TMTC4: variants seen among roughly 807,000 people sequenced by gnomAD.
TMTC4 encodes transmembrane O-mannosyltransferase targeting cadherins 4, also known as protein O-mannosyl-transferase TMTC4.
TMTC4 carries 65 observed loss-of-function variants against 86.0 expected under a neutral mutation model. The ratio of observed to expected loss-of-function variants is 0.76; its 90% CI spans 0.62 to 0.93. The LOEUF (loss-of-function observed/expected upper bound fraction) is 0.93. TMTC4 is among the 40% of genes least tolerant of loss of function. The probability of loss-of-function intolerance (pLI) is 0.00; values close to 1 mark genes in which losing one functional copy is unlikely to be tolerated. For missense variants in TMTC4, 866 were observed against 948.1 expected (o/e 0.91, Z 1.14); for synonymous variants, 379 against 382.5 (o/e 0.99, Z 0.11).
In TMTC4 at chr13:100,674,481, C is replaced by G. The variant is rs979686247; in HGVS notation, c.-208+263G>C. On this transcript the variant is annotated intron_variant, in intron 1 of 18. Transcript: ENST00000342624. ...GCCCGGGCGGAGAAGCTCAGGGGCC[C>G]GAGCGCGGCGGGCGGGGCGCGCAGC... is the stretch of plus-strand genomic sequence containing the variant. 3.4e-4 allele frequency: 314 copies of G among 924,372 alleles called. No individual in the cohort carries two copies. In the African/African-American group the frequency reaches 4.9e-3, roughly 14 times the overall value. 57.3% of individuals were successfully genotyped at this position (924,372 alleles called of 1,614,324 possible). A position where few individuals can be genotyped will look rare whatever the true frequency, so the allele number is the denominator to read the frequency against.
At chr13:100,641,871 G>A (rs1883062600) in intron 7 of TMTC4, among the ~76,000 whole-genome samples, 1 of 152,156 alleles carries the variant, frequency 6.6e-6, no homozygotes, top group South Asian at 2.1e-4. Flanking sequence ...GGTGATCTAG[G>A]ACTGCTGAAA....
chr13:100,651,440 A>T (rs1360739951), intron 6 of TMTC4, among the ~76,000 whole-genome samples: 1 of 148,582 alleles, frequency 6.7e-6, no homozygotes, highest in Non-Finnish European at 1.5e-5. Context: ...TTATGAGGAC[A>T]TCTACTTTTA....
At chr13:100,674,250 CG>C in intron 1 of TMTC4, 1 of 979,686 alleles carries the variant, frequency 1.0e-6, no homozygotes, top group Non-Finnish European at 1.2e-6. Context: ...CGCGGCGCGG[CG>C]GGGGAGCCGC....
intron 6 of TMTC4, among the ~76,000 whole-genome samples, chr13:100,654,780 C>T (rs895176664): frequency 6.6e-6 from 1 of 152,054 alleles, no homozygotes; most frequent in African/African-American, 2.4e-5. Context: ...CATTATTTCA[C>T]AAGAGCAATC....
rs67759381 is a variant in TMTC4, at chr13:100,632,053, A to ACT, written c.1506+2750_1506+2751dup. Among the ~76,000 whole-genome samples, 83 of 43,110 alleles carry ACT rather than the reference A, an allele frequency of 1.9e-3. 1 individual carries two copies. The highest frequency in any genetic ancestry group is 0.016 in the Middle Eastern group (1 of 62). 28.3% of individuals were successfully genotyped at this position (43,110 alleles called of 152,430 possible). A position where few individuals can be genotyped will look rare whatever the true frequency, so the allele number is the denominator to read the frequency against. ...CACACACACACACACACACACACAC[A>ACT]CTCTCTCTCTCTCTCTCTCTCTCTC... On this transcript the variant is annotated intron_variant, in intron 12 of 18. Coordinates refer to ENST00000342624, the MANE Select transcript of TMTC4 (RefSeq NM_032813.5).
Position 100,634,896 on chromosome 13 carries a change from T to C in TMTC4, c.1415A>G (p.Asn472Ser), listed in dbSNP as rs144915685. ...GCTGCGCAGCACACATCTCAGCGTG[T>C]TGATGAATAAGATTCCCAGCACGAC... ...AAVVLGILFINTLRCVLRSGE... is the reference protein window; with the variant it reads ...AAVVLGILFISTLRCVLRSGE... The change falls in exon 12 of 19, where the codon AAC becomes AGC. Residue 472 changes from asparagine (N) to serine (S), a missense_variant. Coordinates refer to ENST00000342624, the MANE Select transcript of TMTC4 (RefSeq NM_032813.5). 4.3e-5 allele frequency: 70 copies of C among 1,614,056 alleles called. 1 individual carries two copies. Among genetic ancestry groups the C allele is most frequent in the South Asian group, 1.9e-4 (17 of 91,086 alleles).
At chr13:100,628,646 G>T (rs9582406) in intron 12 of TMTC4, among the ~76,000 whole-genome samples, 1 of 151,974 alleles carries the variant, frequency 6.6e-6, no homozygotes, top group Non-Finnish European at 1.5e-5. Context: ...TGACTGAAGA[G>T]GGGGTGAAGT....
Position 100,663,020 on chromosome 13 carries a change from T to TG in TMTC4, c.495dup (p.Arg166GlnfsTer44). 6.2e-7 allele frequency: 1 copy of TG among 1,614,128 alleles called. No homozygotes were observed. The highest frequency in any genetic ancestry group is 1.1e-5 in the South Asian group (1 of 91,082). On this transcript the variant is annotated frameshift_variant, in exon 5 of 19. Transcript: ENST00000342624. LOFTEE classifies it high-confidence loss of function. ...AGCAGCGCGGCCAGCAGGGACGCCC[T>TG]GGGGGCGAGGTGCAGCCTCCGGCCT...
intron 6 of TMTC4, among the ~76,000 whole-genome samples, chr13:100,651,301 C>G (rs9513777): frequency 0.27 from 41,292 of 151,990 alleles, 6,337 homozygotes; most frequent in East Asian, 0.38. Context: ...GATGTAAATA[C>G]AAGATGCCTC....
At chr13:100,612,607 G>A in intron 16 of TMTC4, 97 bp from the exon 17 acceptor site, 3 of 766,520 alleles carry the variant, frequency 3.9e-6, no homozygotes, top group Admixed American at 2.7e-5. Context: ...CACAGCACAT[G>A]ACAATTATGA....
At chr13:100,635,561 T>C (rs1388387714) in intron 10 of TMTC4, 1 of 159,208 alleles carries the variant, frequency 6.3e-6, no homozygotes, top group Non-Finnish European at 1.4e-5. Flanking sequence ...TGGTCTCAAT[T>C]AATTCAAAAA....
rs774624512 is a variant in TMTC4 at position 100,662,982 on chromosome 13, A to G, written c.534T>C (p.His178=). ...SLLAALLFAV[H]PVHTECVAGV... is the part of the protein sequence containing the mutation. ...CACTTACACACTCGGTGTGCACAGG[A>G]TGGACAGCAAACAGCAGCGCGGCCA... Residue 178 remains histidine (H), a synonymous_variant, in exon 5 of 19, where the codon CAT becomes CAC. Transcript: ENST00000342624. 4.6e-5 allele frequency: 74 copies of G among 1,613,886 alleles called. No individual in the cohort carries two copies. Among genetic ancestry groups the G allele is most frequent in the Middle Eastern group, 3.3e-4 (2 of 5,984 alleles).
chr13:100,636,876 A>G (rs1436799882), intron 9 of TMTC4, 142 bp from the exon 10 acceptor site: 2 of 806,468 alleles, frequency 2.5e-6, no homozygotes, highest in Non-Finnish European at 4.0e-6. Flanking sequence ...GCCAACGTGT[A>G]TTGGGTATGT....
At chr13:100,670,613 G>A (rs1343466954) in intron 1 of TMTC4, 44 bp from the exon 2 acceptor site, 5 of 441,490 alleles carry the variant, frequency 1.1e-5, no homozygotes, top group African/African-American at 2.0e-5. Flanking sequence ...CAACCTCTAT[G>A]CTTACATTTC....
intron 12 of TMTC4, among the ~76,000 whole-genome samples, chr13:100,627,024 C>T (rs956866881): frequency 2.0e-5 from 3 of 152,164 alleles, no homozygotes; most frequent in Admixed American, 2.0e-4. Flanking sequence ...AGAAGACGAC[C>T]GTCTGTGAAC....
intron 15 of TMTC4, among the ~76,000 whole-genome samples, chr13:100,616,006 T>G (rs145388572): frequency 6.6e-6 from 1 of 152,274 alleles, no homozygotes; most frequent in East Asian, 1.9e-4. Context: ...TGTTCCTGGA[T>G]TTATTTCCTT....
In TMTC4 at chr13:100,634,861, GC is replaced by G. The variant is rs1199232320; in HGVS notation, c.1449del (p.Trp483CysfsTer46). ...TLRCVLRSGEWRSEEQLFRSA... is the reference protein window; with the variant it reads ...TLRCVLRSGEXRSEEQLFRSA... ...CTTCTGAAAAGCTGTTCCTCACTCC[GC>G]CACTCGCCGCTGCGCAGCACACATC... On this transcript the variant is annotated frameshift_variant, in exon 12 of 19. Transcript: ENST00000342624. LOFTEE classifies it high-confidence loss of function. The G allele has an allele frequency of 4.3e-6, 7 of 1,614,020 alleles. No individual in the cohort carries two copies. Among genetic ancestry groups the G allele is most frequent in the Non-Finnish European group, 5.9e-6 (7 of 1,180,046 alleles).
chr13:100,618,454 G>T (rs7988203), intron 15 of TMTC4, among the ~76,000 whole-genome samples: 101,850 of 129,630 alleles, frequency 0.79, 39,550 homozygotes, highest in East Asian at 0.89. Flanking sequence ...GTTGCTTCTT[G>T]TTTTTTTTTT....
rs1876407088 is a variant in TMTC4, at chr13:100,605,264, G to A, written c.2135-122C>T. ...AACAGTTTTCAAAAGTCAATTGTATGAAACAATATTGTTTGTACTGAAAAC... is the reference window on the plus strand; with the variant it reads ...AACAGTTTTCAAAAGTCAATTGTATAAAACAATATTGTTTGTACTGAAAAC... On this transcript the variant is annotated intron_variant, in intron 18 of 18. Transcript: ENST00000342624. The surrounding 1 kb of genome is among the most constrained non-coding windows in gnomAD (Gnocchi z 4.3). The A allele has an allele frequency of 8.7e-7, 1 of 1,155,088 alleles. No individual in the cohort carries two copies. The highest frequency in any genetic ancestry group is 2.5e-5 in the Admixed American group (1 of 39,756). The allele number at this position is 1,155,088 out of a possible 1,614,324, so 71.6% of individuals were successfully genotyped here.
Sources: allele counts gnomAD v4.1 joint callset (sites outside exome capture counted in the v4.1 genomes callset), GRCh38; gene constraint gnomAD v4.1.1; non-coding constraint Gnocchi (gnomAD v3.1); transcripts MANE v1.5; gene names NCBI Gene and HGNC (gene_info 2026-07-23, HGNC 2026-07-21).